Variants in RPH3AL observed in about 807,000 individuals in gnomAD.
The protein encoded by RPH3AL is rab effector Noc2.
A neutral mutation model predicts 43.1 loss-of-function variants in RPH3AL; 38 were observed. The ratio of observed to expected loss-of-function variants is 0.88; its 90% CI spans 0.68 to 1.15. The LOEUF (loss-of-function observed/expected upper bound fraction) is 1.15, where lower values mean the gene tolerates loss of function less well. Among genes scored for constraint, RPH3AL ranks in the 50% most tolerant of loss-of-function variants. The pLI is 0.00. For missense variants in RPH3AL, 462 were observed against 423.2 expected, an observed-to-expected ratio of 1.09 and a Z score of -0.81; for synonymous variants, 189 against 176.3, an observed-to-expected ratio of 1.07 and a Z score of -0.57.
At chr17:352,118 G>A (rs568088360) in intron 1 of RPH3AL, among the ~76,000 whole-genome samples, 7 of 152,218 alleles carry the variant, frequency 4.6e-5, no homozygotes, top group Non-Finnish European at 7.4e-5. Flanking sequence ...TGGGTTTTTC[G>A]GCCCCATCTC....
intron 6 of RPH3AL, among the ~76,000 whole-genome samples, chr17:259,632 T>C (rs73277100): frequency 0.032 from 4,911 of 152,184 alleles, 97 homozygotes; most frequent in African/African-American, 0.055. Context: ...GCTCCCCACG[T>C]GTGGTTTGCT....
intron 6 of RPH3AL, among the ~76,000 whole-genome samples, chr17:279,563 T>C (rs888682465): frequency 1.3e-5 from 2 of 152,000 alleles, no homozygotes; most frequent in Non-Finnish European, 2.9e-5. Flanking sequence ...TGTTACGGAG[T>C]GTGAGGGTGA....
intron 2 of RPH3AL, chr17:332,560 C>G (rs1201465746): frequency 5.8e-6 from 1 of 173,118 alleles, no homozygotes; most frequent in Admixed American, 5.4e-5. Context: ...TTTAATTCAA[C>G]TGTATTTCAT....
At chr17:232,782 T>C (rs1038162202) in intron 7 of RPH3AL, among the ~76,000 whole-genome samples, 1 of 151,582 alleles carries the variant, frequency 6.6e-6, no homozygotes, top group Non-Finnish European at 1.5e-5. Context: ...TCTCAGGTGG[T>C]TCAAAGACAA....
At chr17:248,387 AG>A (rs1322132574) in intron 6 of RPH3AL, among the ~76,000 whole-genome samples, 1 of 152,244 alleles carries the variant, frequency 6.6e-6, no homozygotes, top group East Asian at 1.9e-4. Context: ...GCCTCCCAGG[AG>A]CCCCTCTTGA....
Position 283,877 on chromosome 17 carries a change from A to G in RPH3AL, c.352-2023T>C, listed in dbSNP as rs2042841383. On this transcript the variant is annotated intron_variant, in intron 5 of 9. Coordinates refer to ENST00000331302, the MANE Select transcript of RPH3AL (RefSeq NM_006987.4). The surrounding 1 kb of genome is among the most constrained non-coding windows in gnomAD (Gnocchi z 4.2). The stretch of plus-strand genomic sequence containing the variant: ...CGCTCCTAATGTTCCCACCTCTACA[A>G]CAGGGTCCCCCATCAGCCTATGAGG... 6.6e-6 allele frequency among the ~76,000 whole-genome samples: 1 copy of G among 152,044 alleles called. No individual in the cohort carries two copies. Among genetic ancestry groups the G allele is most frequent in the Non-Finnish European group, 1.5e-5 (1 of 68,008 alleles).
intron 5 of RPH3AL, among the ~76,000 whole-genome samples, chr17:315,943 G>C: frequency 6.8e-6 from 1 of 147,672 alleles, no homozygotes; most frequent in African/African-American, 2.6e-5. Flanking sequence ...CACCTCCATT[G>C]ACCTGTAGTC....
intron 5 of RPH3AL, among the ~76,000 whole-genome samples, chr17:286,879 G>A (rs2042926020): frequency 6.6e-6 from 1 of 151,400 alleles, no homozygotes; most frequent in Non-Finnish European, 1.5e-5. Flanking sequence ...CAGGGCAGAA[G>A]CCACACAACT....
chr17:237,061 C>T (rs545332557), intron 7 of RPH3AL, among the ~76,000 whole-genome samples: 3 of 152,052 alleles, frequency 2.0e-5, no homozygotes, highest in South Asian at 2.1e-4. Flanking sequence ...TAGTACAGCT[C>T]GGAGGGACTC....
rs1039531070 is a variant in RPH3AL at position 290,688 on chromosome 17, C to T, written c.352-8834G>A. 5.9e-5 allele frequency among the ~76,000 whole-genome samples: 9 copies of T among 152,148 alleles called. No homozygotes were observed. Among genetic ancestry groups the T allele is most frequent in the Admixed American group, 3.3e-4 (5 of 15,272 alleles). On this transcript the variant is annotated intron_variant, in intron 5 of 9. Coordinates refer to ENST00000331302, the MANE Select transcript of RPH3AL (RefSeq NM_006987.4). This position sits in a 1 kb window ranked among gnomAD's most constrained non-coding sequence, Gnocchi z 4.2. ...CCCAGGCTGGCCTTTGAGTCCTCACCGATCCATTTCATGATGAGGAATTCC... is the reference window on the plus strand; with the variant it reads ...CCCAGGCTGGCCTTTGAGTCCTCACTGATCCATTTCATGATGAGGAATTCC...
At chr17:315,140 C>T (rs1555518827) in intron 5 of RPH3AL, among the ~76,000 whole-genome samples, 4 of 151,130 alleles carry the variant, frequency 2.6e-5, no homozygotes, top group East Asian at 2.0e-4. Flanking sequence ...TGTGCTCCAC[C>T]TCCATTGACC....
At chr17:298,635 G>A (rs1243862131) in intron 5 of RPH3AL, among the ~76,000 whole-genome samples, 1 of 151,970 alleles carries the variant, frequency 6.6e-6, no homozygotes, top group Non-Finnish European at 1.5e-5. Flanking sequence ...AACCCGGGAG[G>A]CGGAGGTTGC....
intron 7 of RPH3AL, among the ~76,000 whole-genome samples, chr17:222,041 G>T (rs968850419): frequency 1.3e-5 from 2 of 149,548 alleles, no homozygotes; most frequent in African/African-American, 4.9e-5. Flanking sequence ...CAGCTCTGAG[G>T]CCTCCACTCA....
At chr17:219,840 C>T (rs62059561) in intron 7 of RPH3AL, 104 bp from the exon 8 acceptor site, 216,180 of 787,750 alleles carry the variant, frequency 0.27, 31,337 homozygotes, top group Non-Finnish European at 0.3. Flanking sequence ...TACCACGTGG[C>T]GTAGCAGCTC....
chr17:321,534 C>A, intron 3 of RPH3AL, 119 bp from the exon 4 acceptor site: 1 of 1,216,406 alleles, frequency 8.2e-7, no homozygotes, highest in South Asian at 1.8e-5. Flanking sequence ...TGCCGCGTGC[C>A]GGGACGACGA....
At chr17:321,002 C>T (rs1261972101) in intron 4 of RPH3AL, among the ~76,000 whole-genome samples, 1 of 152,182 alleles carries the variant, frequency 6.6e-6, no homozygotes, top group Non-Finnish European at 1.5e-5. Context: ...GGAGGCTTCA[C>T]CAGGCTCATT....
At chr17:352,169 G>C (rs1377584193) in intron 1 of RPH3AL, among the ~76,000 whole-genome samples, 2 of 152,214 alleles carry the variant, frequency 1.3e-5, no homozygotes, top group Non-Finnish European at 2.9e-5. Context: ...GAGTATCCCA[G>C]GGTAGGGAGC....
rs570252089 is a variant in RPH3AL, at chr17:338,076, G to C, written c.-212-4142C>G. 3.3e-5 allele frequency among the ~76,000 whole-genome samples: 5 copies of C among 152,320 alleles called. No individual in the cohort carries two copies. In the South Asian group the frequency reaches 1.0e-3, roughly 32 times the overall value. On this transcript the variant is annotated intron_variant, in intron 1 of 9. Coordinates refer to ENST00000331302, the MANE Select transcript of RPH3AL (RefSeq NM_006987.4). ...ACAGCTCTGCCTACGTGTCCCCAGA[G>C]GCATAGCTTGCTTTTGTCTTTTCTG...
chr17:331,056 T>TGAGGGAGGCGAGGGAGGC (rs58116051), intron 2 of RPH3AL: 2 of 146,118 alleles, frequency 1.4e-5, no homozygotes, highest in African/African-American at 2.5e-5. Context: ...CTGAGTTACA[T>TGAGGGAGGCGAGGGAGGC]GAGGGAGGCG....
Sources: gnomAD v4.1 joint callset for allele counts (sites outside exome capture counted in the v4.1 genomes callset) on GRCh38, gnomAD v4.1.1 for gene constraint, Gnocchi (gnomAD v3.1) non-coding constraint, MANE v1.5 for transcripts, NCBI Gene and HGNC (gene_info 2026-07-23, HGNC 2026-07-21) for gene names.